EPHA5: variants seen among roughly 807,000 people sequenced by gnomAD.
The protein encoded by EPHA5 is EPH receptor A5, also known as ephrin type-A receptor 5.
A neutral mutation model predicts 105.0 loss-of-function variants in EPHA5; 60 were observed. The ratio of observed to expected loss-of-function variants is 0.57; its 90% CI spans 0.46 to 0.71. EPHA5 has a LOEUF of 0.71. Ranked by LOEUF, EPHA5 falls within the 30% of genes least tolerant of loss-of-function variation. The pLI, the probability that EPHA5 is intolerant of heterozygous loss-of-function variation, is 0.00. For synonymous variants in EPHA5, 513 were observed against 449.1 expected (o/e 1.14, Z -1.80); for missense variants, 1,218 against 1,274.7 (o/e 0.96, Z 0.68).
At chr4:65,339,481 G>A (rs987429458) in intron 14 of EPHA5, among the ~76,000 whole-genome samples, 1 of 152,030 alleles carries the variant, frequency 6.6e-6, no homozygotes, top group African/African-American at 2.4e-5. Context: ...AAAGTATAAT[G>A]AAACCAATTT....
chr4:65,637,225 G>GT (rs33936787), intron 2 of EPHA5, among the ~76,000 whole-genome samples: 44,427 of 138,914 alleles, frequency 0.32, 7,477 homozygotes, highest in African/African-American at 0.34. Flanking sequence ...GCACAGAAAA[G>GT]TTTTTTTTTT....
intron 3 of EPHA5, among the ~76,000 whole-genome samples, chr4:65,499,973 G>T (rs141745748): frequency 0.01 from 1,583 of 151,098 alleles, 28 homozygotes; most frequent in African/African-American, 0.036. Context: ...TTTGAGTTGT[G>T]TGAGGAAAAA....
chr4:65,521,837 C>T (rs1560642609), intron 3 of EPHA5, among the ~76,000 whole-genome samples: 1 of 151,948 alleles, frequency 6.6e-6, no homozygotes, highest in East Asian at 1.9e-4. Flanking sequence ...TTCCCATTGC[C>T]TTACATAAAC....
At chr4:65,665,673 T>C (rs964970770) in intron 1 of EPHA5, among the ~76,000 whole-genome samples, 4 of 152,146 alleles carry the variant, frequency 2.6e-5, no homozygotes, top group African/African-American at 7.2e-5. Context: ...TTGTTTTAAA[T>C]GCAGAAATTG....
Position 65,319,648 on chromosome 4 carries a change from G to T in EPHA5, c.*4466C>A. ...CAAAAAGCATGTACACAAACCAAAT[G>T]CACATAAAGATTCAAATGAGAAAAA... On this transcript the variant is annotated 3_prime_UTR_variant, in exon 17 of 17. Transcript: ENST00000613740. The T allele has an allele frequency of 4.5e-6, 1 of 220,900 alleles. No homozygotes were observed. The highest frequency in any genetic ancestry group is 9.1e-6 in the Non-Finnish European group (1 of 110,202). 13.7% of individuals were successfully genotyped at this position (220,900 alleles called of 1,614,324 possible).
rs2148813073 is a variant in EPHA5 at position 65,335,999 on chromosome 4, C to G, written c.2722G>C (p.Val908Leu). The G allele has an allele frequency of 2.5e-6, 4 of 1,613,314 alleles. No individual in the cohort carries two copies. The highest frequency in any genetic ancestry group is 3.4e-6 in the Non-Finnish European group (4 of 1,179,548). The stretch of plus-strand genomic sequence containing the variant: ...CGTATCAGCTTGTCCAACATGTTGA[C>G]TATTTCATCAAACTTGGGCCTGCTA... The part of the protein sequence containing the change: ...RNSRPKFDEI[V>L]NMLDKLIRNP... Residue 908 changes from valine to leucine, a missense_variant, in exon 15 of 17, where the codon GTC (valine) becomes CTC (leucine). Val to Leu is a conservative substitution (Grantham distance 32). Around this residue, in one of 3 missense-constraint regions of EPHA5, gnomAD observed 971 missense variants for 1,013.5 expected, o/e 0.96. Transcript: ENST00000613740.
intron 2 of EPHA5, among the ~76,000 whole-genome samples, chr4:65,616,733 C>A (rs1745274959): frequency 6.6e-6 from 1 of 151,760 alleles, no homozygotes; most frequent in South Asian, 2.1e-4. Flanking sequence ...TTTTTTTATT[C>A]CCCAAATTCT....
intron 3 of EPHA5, among the ~76,000 whole-genome samples, chr4:65,580,910 T>C (rs1275647987): frequency 6.6e-6 from 1 of 151,740 alleles, no homozygotes; most frequent in East Asian, 1.9e-4. Context: ...ATGAATCAAA[T>C]TTTGTTGATA....
At chr4:65,665,501 A>T (rs1375503853) in intron 1 of EPHA5, among the ~76,000 whole-genome samples, 2 of 152,162 alleles carry the variant, frequency 1.3e-5, no homozygotes, top group Non-Finnish European at 1.5e-5. Flanking sequence ...TTTATAGAGC[A>T]TAATAATATC....
chr4:65,383,381 A>G (rs1719765230), intron 8 of EPHA5, among the ~76,000 whole-genome samples: 1 of 151,806 alleles, frequency 6.6e-6, no homozygotes, highest in Non-Finnish European at 1.5e-5. Context: ...AACAGGTTAG[A>G]AAGAGTTATG....
chr4:65,432,363 A>C (rs1725058728), intron 5 of EPHA5, among the ~76,000 whole-genome samples: 2 of 152,202 alleles, frequency 1.3e-5, no homozygotes. Flanking sequence ...AGGTAAGAGT[A>C]ACCTGCGCTC....
chr4:65,427,473 G>A (rs574798691), intron 5 of EPHA5, among the ~76,000 whole-genome samples: 1 of 151,974 alleles, frequency 6.6e-6, no homozygotes, highest in African/African-American at 2.4e-5. Flanking sequence ...GAGTCACCGC[G>A]CCCCGTCCTT....
At chr4:65,420,231 A>G (rs912901543) in intron 6 of EPHA5, among the ~76,000 whole-genome samples, 4 of 152,144 alleles carry the variant, frequency 2.6e-5, no homozygotes, top group Non-Finnish European at 4.4e-5. Context: ...CTATATGGCT[A>G]TATCTAAGCA....
At chr4:65,655,694 G>A (rs1469495354) in intron 1 of EPHA5, among the ~76,000 whole-genome samples, 1 of 152,062 alleles carries the variant, frequency 6.6e-6, no homozygotes, top group African/African-American at 2.4e-5. Flanking sequence ...AGATTTCCAA[G>A]TTGCAGAAGT....
At chr4:65,403,700 A>T (rs1407666510) in intron 8 of EPHA5, among the ~76,000 whole-genome samples, 1 of 152,056 alleles carries the variant, frequency 6.6e-6, no homozygotes, top group East Asian at 1.9e-4. Context: ...CACCTAGAAT[A>T]GCTATTGTTA....
At chr4:65,591,919 C>T (rs904774533) in intron 3 of EPHA5, among the ~76,000 whole-genome samples, 4 of 152,016 alleles carry the variant, frequency 2.6e-5, no homozygotes, top group African/African-American at 9.7e-5. Flanking sequence ...CTTTTAAAAA[C>T]ATAAAAATTC....
intron 5 of EPHA5, among the ~76,000 whole-genome samples, chr4:65,460,520 T>C (rs1728023030): frequency 6.6e-6 from 1 of 151,342 alleles, no homozygotes; most frequent in South Asian, 2.1e-4. Context: ...GTAACTATTA[T>C]TTATAAGTAA....
intron 3 of EPHA5, among the ~76,000 whole-genome samples, chr4:65,588,966 T>C (rs538115710): frequency 6.6e-6 from 1 of 152,190 alleles, no homozygotes; most frequent in South Asian, 2.1e-4. Flanking sequence ...AAATTAGAAA[T>C]TGCTTTAAAC....
chr4:65,502,302 G>A lies in EPHA5; in HGVS notation c.911-6759C>T, dbSNP rs553449400. Among the ~76,000 whole-genome samples, 121 of 151,118 alleles carry A rather than the reference G, an allele frequency of 8.0e-4. 1 individual carries two copies. The highest frequency in any genetic ancestry group is 1.2e-3 in the Non-Finnish European group (80 of 67,526). ...TTCTGCACAGCAAGAAAAACTATTA[G>A]CAAAGTAAACAGACAACCTGCAGAA... On this transcript the variant is annotated intron_variant, in intron 3 of 16. Transcript: ENST00000613740.
Sources: allele counts gnomAD v4.1 joint callset (sites outside exome capture counted in the v4.1 genomes callset), GRCh38; gene constraint gnomAD v4.1.1; regional missense constraint gnomAD v4.1.1; transcripts MANE v1.5; gene names NCBI Gene and HGNC (gene_info 2026-07-23, HGNC 2026-07-21).